The following ZNF654 variants were observed in gnomAD, a reference collection of about 807,000 sequenced individuals.
The protein encoded by ZNF654 is zinc finger protein 654, also known as melanoma-associated antigen.
Under a neutral mutation model 95.3 loss-of-function variants are expected in ZNF654, and 19 were observed. The observed-to-expected ratio is 0.20, with a 90% CI of 0.14 to 0.29. The LOEUF is 0.29. Among genes scored for constraint, ZNF654 ranks in the 10% least tolerant of loss-of-function variants. ZNF654 has a pLI of 1.00. For synonymous variants in ZNF654, 413 were observed against 457.9 expected (o/e 0.90, Z 1.25); for missense variants, 1,046 against 1,341.0 (o/e 0.78, Z 3.44).
intron 1 of ZNF654, among the ~76,000 whole-genome samples, chr3:88,068,663 A>G (rs1010240806): frequency 2.0e-5 from 3 of 152,182 alleles, no homozygotes; most frequent in Admixed American, 6.5e-5. Flanking sequence ...ATATATGTAT[A>G]TAACTCATTT....
chr3:88,100,298 A>T (rs920430727), intron 2 of ZNF654, among the ~76,000 whole-genome samples: 1 of 152,168 alleles, frequency 6.6e-6, no homozygotes, highest in South Asian at 2.1e-4. Context: ...AGTTAGAATG[A>T]CAATCATTAA....
chr3:88,123,123 C>T (rs367706050), intron 3 of ZNF654, among the ~76,000 whole-genome samples: 14 of 152,014 alleles, frequency 9.2e-5, no homozygotes, highest in Admixed American at 2.6e-4. Context: ...TTATTCACTT[C>T]GAGGTTTTAA....
intron 2 of ZNF654, among the ~76,000 whole-genome samples, chr3:88,094,767 A>G (rs1235191560): frequency 1.3e-5 from 2 of 152,122 alleles, no homozygotes. Flanking sequence ...CAGATCATTA[A>G]AAAACTACAG....
intron 2 of ZNF654, among the ~76,000 whole-genome samples, chr3:88,108,073 GTT>G (rs370093184): frequency 2.5e-3 from 386 of 151,934 alleles, no homozygotes; most frequent in African/African-American, 9.1e-3. Flanking sequence ...ATTTGCATTT[GTT>G]TTTGTCAGGT....
Position 88,139,107 on chromosome 3 carries a change from G to T in ZNF654, c.1438G>T (p.Glu480Ter). The T allele has an allele frequency of 7.9e-7, 1 of 1,266,632 alleles. No homozygotes were observed. Among genetic ancestry groups the T allele is most frequent in the Non-Finnish European group, 9.9e-7 (1 of 1,006,250 alleles). 78.5% of individuals were successfully genotyped at this position (1,266,632 alleles called of 1,614,324 possible). ...AVRFLNESTL[E>*]NNAGNLKRTE... ...TAGATTTCTAAATGAAAGCACACTGGAAAATAATGCAGGTAATCTAAAAAG... is the reference window on the plus strand; with the variant it reads ...TAGATTTCTAAATGAAAGCACACTGTAAAATAATGCAGGTAATCTAAAAAG... Residue 480 changes from glutamate (E) to a stop codon, truncating the protein, a stop_gained, in exon 8 of 9, where the codon GAA becomes TAA. Coordinates refer to ENST00000636215, the MANE Select transcript of ZNF654 (RefSeq NM_001350134.2). LOFTEE classifies it high-confidence loss of function.
intron 6 of ZNF654, among the ~76,000 whole-genome samples, chr3:88,132,886 A>G (rs1706549168): frequency 6.6e-6 from 1 of 152,222 alleles, no homozygotes; most frequent in African/African-American, 2.4e-5. Context: ...TGCAAGTGAT[A>G]GCATCTGTGC....
At chr3:88,120,796 T>A (rs1705722256) in intron 3 of ZNF654, among the ~76,000 whole-genome samples, 1 of 59,628 alleles carries the variant, frequency 1.7e-5, no homozygotes, top group South Asian at 1.2e-3. Context: ...TTCAACAGTA[T>A]AAAGTCAGTG....
intron 6 of ZNF654, among the ~76,000 whole-genome samples, chr3:88,130,617 ATTTTT>A (rs10674029): frequency 7.7e-6 from 1 of 129,206 alleles, no homozygotes; most frequent in African/African-American, 2.9e-5. Context: ...TGCCCAGCTA[ATTTTT>A]TTTTTTTTTT....
intron 1 of ZNF654, among the ~76,000 whole-genome samples, chr3:88,076,282 A>T (rs1353470126): frequency 6.6e-6 from 1 of 152,148 alleles, no homozygotes; most frequent in Non-Finnish European, 1.5e-5. Context: ...TTCACTCTTG[A>T]CATTTCCATC....
rs537618795 is a variant in ZNF654 at position 88,088,002 on chromosome 3, G to A, written c.332+1600G>A. ...TGGATTAGGGATGCTCAATCAGTAAGTATAAATACAAATACTACAAAATCC... is the reference window on the plus strand; with the variant it reads ...TGGATTAGGGATGCTCAATCAGTAAATATAAATACAAATACTACAAAATCC... On this transcript the variant is annotated intron_variant, in intron 2 of 8. Coordinates refer to ENST00000636215, the MANE Select transcript of ZNF654 (RefSeq NM_001350134.2). Among the ~76,000 whole-genome samples the A allele has an allele frequency of 3.9e-5, 6 of 152,288 alleles. No individual in the cohort carries two copies. The South Asian group carries it at 1.2e-3, about 32-fold the overall frequency.
At chr3:88,078,522 C>A (rs753460291) in intron 1 of ZNF654, among the ~76,000 whole-genome samples, 3 of 151,986 alleles carry the variant, frequency 2.0e-5, no homozygotes, top group Non-Finnish European at 4.4e-5. Context: ...TAGATAGGGG[C>A]AAATATTCTG....
At chr3:88,060,904 A>T (rs1706841454) in intron 1 of ZNF654, among the ~76,000 whole-genome samples, 1 of 152,116 alleles carries the variant, frequency 6.6e-6, no homozygotes. Flanking sequence ...TTTAATTTAA[A>T]TTGCCTTTTG....
intron 2 of ZNF654, among the ~76,000 whole-genome samples, chr3:88,107,978 GTTC>G (rs1479894773): frequency 2.0e-5 from 3 of 151,466 alleles, no homozygotes; most frequent in African/African-American, 7.3e-5. Context: ...GGTTTTTATT[GTTC>G]TTATCATTTT....
chr3:88,061,715 G>A (rs986951670), intron 1 of ZNF654, among the ~76,000 whole-genome samples: 4 of 152,056 alleles, frequency 2.6e-5, no homozygotes, highest in African/African-American at 9.7e-5. Flanking sequence ...GGGAAGCAGG[G>A]GGATTATTTA....
rs551870040 is a variant in ZNF654 at position 88,140,915 on chromosome 3, C to A, written c.3246C>A (p.Asn1082Lys). The change falls in exon 8 of 9, where the codon AAC becomes AAA. Residue 1082 changes from asparagine (N) to lysine (K), a missense_variant. Physicochemically the swap from Asn to Lys is moderately conservative, Grantham distance 94 (BLOSUM62 0). Around this residue, in one of 9 missense-constraint regions of ZNF654, gnomAD observed 59 missense variants for 73.0 expected, o/e 0.81. Coordinates refer to ENST00000636215, the MANE Select transcript of ZNF654 (RefSeq NM_001350134.2). ...TAGATGCCTGTTCTGATCAAGATAA[C>A]GTGTATAAAAAATCAGTGAAAAGAT... ...DRVDACSDQD[N>K]VYKKSVKRLR... is the part of the protein sequence containing the mutation. 6.2e-7 allele frequency: 1 copy of A among 1,613,454 alleles called. No homozygotes were observed. The highest frequency in any genetic ancestry group is 1.3e-5 in the African/African-American group (1 of 74,982).
At chr3:88,132,372 C>G (rs1242687420) in intron 6 of ZNF654, among the ~76,000 whole-genome samples, 1 of 152,102 alleles carries the variant, frequency 6.6e-6, no homozygotes, top group Admixed American at 6.6e-5. Context: ...TGCGTTTGTA[C>G]ACTGAATGAG....
In ZNF654 at chr3:88,144,455, T is replaced by C. The variant is rs1321660428; in HGVS notation, c.*2803T>C. 1 of 152,420 alleles carries C rather than the reference T, an allele frequency of 6.6e-6. No homozygotes were observed. Among genetic ancestry groups the C allele is most frequent in the African/African-American group, 2.4e-5 (1 of 41,438 alleles). The allele number at this position is 152,420 out of a possible 1,614,324, so 9.4% of individuals were successfully genotyped here. On this transcript the variant is annotated 3_prime_UTR_variant, in exon 9 of 9. Transcript: ENST00000636215. ...AAATGCTGCATATGCATTTTGGAGT[T>C]GTTAATATGTGAAAGATATTACAGA... is the stretch of plus-strand genomic sequence containing the variant.
rs751399779 is a variant in ZNF654 at position 88,139,580 on chromosome 3, T to A, written c.1911T>A (p.Asp637Glu). Residue 637 changes from aspartate to glutamate, a missense_variant, in exon 8 of 9, where the codon GAT becomes GAA. Asp to Glu is a conservative substitution (Grantham distance 45). Transcript: ENST00000636215. ...SFENGNSDSK[D>E]LEVETLTASS... is the part of the protein sequence containing the mutation. ...AAAATGGGAATTCTGATAGTAAGGA[T>A]TTGGAAGTGGAGACACTTACTGCTT... 5 of 1,613,670 alleles carry A rather than the reference T, an allele frequency of 3.1e-6. No individual in the cohort carries two copies. The South Asian group carries it at 5.5e-5, about 18-fold the overall frequency.
intron 1 of ZNF654, 83 bp downstream of exon 1, chr3:88,059,588 G>A: frequency 7.0e-7 from 1 of 1,433,376 alleles, no homozygotes; most frequent in Non-Finnish European, 9.1e-7. Context: ...CCATGAATCT[G>A]GTCTATGTCC....
Sources: allele counts gnomAD v4.1 joint callset (sites outside exome capture counted in the v4.1 genomes callset), GRCh38; gene constraint gnomAD v4.1.1; regional missense constraint gnomAD v4.1.1; transcripts MANE v1.5; gene names NCBI Gene and HGNC (gene_info 2026-07-23, HGNC 2026-07-21).